CCDC102B: variants seen among roughly 807,000 people sequenced by gnomAD.
CCDC102B encodes coiled-coil domain containing 102B, also known as coiled-coil domain-containing protein 102B.
In CCDC102B, 75 loss-of-function variants were observed where a neutral mutation model predicts 57.4. The observed-to-expected ratio is 1.31, with a 90% CI of 1.08 to 1.58. The LOEUF is 1.58. Ranked by LOEUF, CCDC102B falls within the 40% of genes most tolerant of loss-of-function variation. The pLI is 0.00. For missense variants in CCDC102B, 636 were observed against 582.6 expected, an observed-to-expected ratio of 1.09 and a Z score of -0.94; for synonymous variants, 206 against 201.9, an observed-to-expected ratio of 1.02 and a Z score of -0.17.
At chr18:68,808,518 G>C (rs1255672657) in intron 1 of CCDC102B, among the ~76,000 whole-genome samples, 1 of 133,640 alleles carries the variant, frequency 7.5e-6, no homozygotes, top group Admixed American at 8.6e-5. Flanking sequence ...CGCTCTTTCG[G>C]CCAGGCCGGA....
intron 2 of CCDC102B, among the ~76,000 whole-genome samples, chr18:68,733,172 G>A (rs1437535164): frequency 2.6e-5 from 4 of 151,944 alleles, no homozygotes; most frequent in Non-Finnish European, 5.9e-5. Context: ...TAATGAGGTG[G>A]GTCTGAAAGA....
At chr18:68,850,639 T>C (rs2038080844) in intron 4 of CCDC102B, among the ~76,000 whole-genome samples, 1 of 152,074 alleles carries the variant, frequency 6.6e-6, no homozygotes, top group Non-Finnish European at 1.5e-5. Flanking sequence ...GAGAAGGTTT[T>C]CTCCTTGTAC....
chr18:68,835,690 G>A (rs994719974), intron 1 of CCDC102B, among the ~76,000 whole-genome samples: 7 of 152,098 alleles, frequency 4.6e-5, no homozygotes, highest in East Asian at 1.9e-4. Flanking sequence ...TGCATTCTAC[G>A]TGTCATGCCA....
chr18:68,785,261 T>C (rs1200245247), intron 2 of CCDC102B, among the ~76,000 whole-genome samples: 2 of 152,086 alleles, frequency 1.3e-5, no homozygotes, highest in Non-Finnish European at 2.9e-5. Flanking sequence ...AAGTCTTTGC[T>C]ATTGTGAATA....
At chr18:69,016,416 G>T (rs933084001) in intron 7 of CCDC102B, among the ~76,000 whole-genome samples, 2 of 152,096 alleles carry the variant, frequency 1.3e-5, no homozygotes, top group Admixed American at 1.3e-4. Flanking sequence ...TACAGAACTA[G>T]TGTCAGGAAG....
intron 2 of CCDC102B, among the ~76,000 whole-genome samples, chr18:68,738,995 T>TA (rs1396308449): frequency 1.3e-5 from 2 of 150,214 alleles, no homozygotes; most frequent in African/African-American, 2.5e-5. Flanking sequence ...TGAGCAGCCT[T>TA]TTGTTTTTTT....
chr18:68,756,516 C>T (rs1044907581), intron 2 of CCDC102B, among the ~76,000 whole-genome samples: 2 of 152,110 alleles, frequency 1.3e-5, no homozygotes, highest in Non-Finnish European at 2.9e-5. Flanking sequence ...ATGAAAATAT[C>T]CTCCGTAGAC....
intron 6 of CCDC102B, among the ~76,000 whole-genome samples, chr18:68,920,834 G>C (rs1022093299): frequency 1.3e-5 from 2 of 152,066 alleles, no homozygotes; most frequent in African/African-American, 4.8e-5. Flanking sequence ...GATTCAACCT[G>C]TTCTCCCTTT....
Position 68,825,582 on chromosome 18 carries a change from C to T in CCDC102B, c.-15-11167C>T, listed in dbSNP as rs527928156. ...GTGCGTGCCTGTAGCCCCAGCTACT[C>T]ATGAGGCTGAGGCAGGAGAATCACT... On this transcript the variant is annotated intron_variant, in intron 1 of 7. Coordinates refer to ENST00000360242, the MANE Select transcript of CCDC102B (RefSeq NM_024781.3). 2.6e-5 allele frequency among the ~76,000 whole-genome samples: 4 copies of T among 152,046 alleles called. No individual in the cohort carries two copies. In the South Asian group the frequency reaches 8.3e-4, roughly 32 times the overall value.
At chr18:69,053,741 G>T (rs1410562900) in intron 7 of CCDC102B, among the ~76,000 whole-genome samples, 1 of 151,328 alleles carries the variant, frequency 6.6e-6, no homozygotes, top group African/African-American at 2.4e-5. Flanking sequence ...ATATAGAATG[G>T]ATCCTCATGT....
chr18:69,013,658 T>G (rs2051581841), intron 7 of CCDC102B, among the ~76,000 whole-genome samples: 1 of 152,238 alleles, frequency 6.6e-6, no homozygotes, highest in African/African-American at 2.4e-5. Flanking sequence ...ATTTACAGAA[T>G]GAGCTTGTGA....
At chr18:68,778,857 C>G (rs1481593204) in intron 2 of CCDC102B, among the ~76,000 whole-genome samples, 1 of 116,478 alleles carries the variant, frequency 8.6e-6, no homozygotes, top group East Asian at 2.5e-4. Context: ...TTATAATCTA[C>G]AATGATGAAA....
chr18:68,740,745 TAACCTA>T, intron 2 of CCDC102B, among the ~76,000 whole-genome samples: 1 of 152,292 alleles, frequency 6.6e-6, no homozygotes, highest in East Asian at 1.9e-4. Context: ...TCCCTCACAC[TAACCTA>T]GGCCCCATTT....
At chr18:69,023,436 C>T (rs1466187869) in intron 7 of CCDC102B, among the ~76,000 whole-genome samples, 3 of 151,700 alleles carry the variant, frequency 2.0e-5, no homozygotes, top group African/African-American at 7.3e-5. Context: ...GTTTAGTAAC[C>T]TTATATTATG....
chr18:69,024,510 C>T lies in CCDC102B; in HGVS notation c.1434+13406C>T, dbSNP rs544069720. The stretch of plus-strand genomic sequence containing the variant: ...ATCATACAATAAAATATAAACCATA[C>T]ATAATTAGACATATTTAAAACTTTA... On this transcript the variant is annotated intron_variant, in intron 7 of 7. Coordinates refer to ENST00000360242, the MANE Select transcript of CCDC102B (RefSeq NM_024781.3). 9.2e-5 allele frequency among the ~76,000 whole-genome samples: 14 copies of T among 152,120 alleles called. No individual in the cohort carries two copies. In the South Asian group the frequency reaches 2.7e-3, roughly 29 times the overall value.
chr18:69,047,595 G>A (rs4891721), intron 7 of CCDC102B, among the ~76,000 whole-genome samples: 118,796 of 151,940 alleles, frequency 0.78, 50,438 homozygotes, highest in Non-Finnish European at 0.95. Flanking sequence ...GAGAATGTGA[G>A]ACTATCCCTG....
rs530542344 is a variant in CCDC102B, at chr18:68,733,798, G to A, written c.-67+17204G>A. ...ATTGCATGTTTGCTCTTTCCACTTT[G>A]TGATGCCTCATAAAAGCTAAGATTA... On this transcript the variant is annotated intron_variant, in intron 2 of 3. Transcript: ENST00000578970. 7.9e-5 allele frequency among the ~76,000 whole-genome samples: 12 copies of A among 152,012 alleles called. No individual in the cohort carries two copies. The South Asian group carries it at 2.5e-3, about 32-fold the overall frequency.
chr18:68,888,796 A>T (rs1184321221), intron 5 of CCDC102B, among the ~76,000 whole-genome samples: 1 of 152,180 alleles, frequency 6.6e-6, no homozygotes, highest in East Asian at 1.9e-4. Flanking sequence ...TGGTTAAGGT[A>T]TGGACTGCCA....
At chr18:68,732,339 C>CTTTTTTT (rs1488024160) in intron 2 of CCDC102B, among the ~76,000 whole-genome samples, 1 of 149,316 alleles carries the variant, frequency 6.7e-6, no homozygotes, top group Non-Finnish European at 1.5e-5. Flanking sequence ...TGAAGGCCTT[C>CTTTTTTT]TTTTTTTTTC....
Sources: allele counts gnomAD v4.1 joint callset (sites outside exome capture counted in the v4.1 genomes callset), GRCh38; gene constraint gnomAD v4.1.1; transcripts MANE v1.5; gene names NCBI Gene and HGNC (gene_info 2026-07-23, HGNC 2026-07-21).